Variants in PKD1 observed in about 807,000 individuals in gnomAD.
PKD1 encodes polycystin 1, transient receptor potential channel interacting.
PKD1 carries 81 observed loss-of-function variants against 361.7 expected under a neutral mutation model. That is an observed-to-expected ratio of 0.22 (90% CI 0.19 to 0.27). The LOEUF (loss-of-function observed/expected upper bound fraction) is 0.27, where lower values mean the gene tolerates loss of function less well. Ranked by LOEUF, PKD1 falls within the 10% of genes least tolerant of loss-of-function variation. The pLI, the probability that PKD1 is intolerant of heterozygous loss-of-function variation, is 1.00. For missense variants in PKD1, 6,399 were observed against 6,118.3 expected (o/e 1.05, Z -1.53); for synonymous variants, 3,615 against 2,818.3 (o/e 1.28, Z -8.95).
In PKD1 at chr16:2,109,112, C is replaced by T; in HGVS notation, c.6055G>A (p.Val2019Ile). ...GTGACGTCGCGGCCCGACAGGATGA[C>T]CAGCGAGTCGCCCTGGACCTTCTGC... ...SLQKVQGDSL[V>I]ILSGRDVTYT... Residue 2019 changes from valine (V) to isoleucine (I), a missense_variant, in exon 15 of 46, where the codon GTC becomes ATC. Transcript: ENST00000262304. 1.9e-6 allele frequency: 3 copies of T among 1,603,040 alleles called. No individual in the cohort carries two copies. Among genetic ancestry groups the T allele is most frequent in the Non-Finnish European group, 2.6e-6 (3 of 1,174,162 alleles).
chr16:2,107,776 G>A lies in PKD1; in HGVS notation c.7065+107C>T, dbSNP rs1014430877. The A allele has an allele frequency of 2.9e-5, 30 of 1,046,174 alleles. No homozygotes were observed. In the East Asian group the frequency reaches 5.0e-4, roughly 17 times the overall value. The allele number at this position is 1,046,174 out of a possible 1,614,324, so 64.8% of individuals were successfully genotyped here. ...ACATAGAATTTGCATCAGAAACAGA[G>A]AGGGGAGAGCGTGCGGCCTCCACCA... On this transcript the variant is annotated intron_variant, in intron 16 of 45. Transcript: ENST00000262304.
intron 16 of PKD1, chr16:2,107,284 G>A (rs1173903896): frequency 2.7e-5 from 11 of 410,106 alleles, no homozygotes; most frequent in Admixed American, 1.1e-4. Context: ...CAGCTGCCAC[G>A]TAGGCCTGAC....
At position 2,114,856 on chromosome 16, in the gene PKD1, G is replaced by A. The variant is rs576737566; in HGVS notation, c.2167C>T (p.Pro723Ser). Residue 723 changes from proline (P) to serine (S), a missense_variant, in exon 11 of 46, where the codon CCT (proline) becomes TCT (serine). Transcript: ENST00000262304. The part of the protein sequence containing the change: ...DLVGLQHDAG[P>S]GALLHCSPAP... ...GGCGAGCAGTGCAGGAGGGCGCCAGGGCCAGCGTCGTGCTGCAAGCCAACG... is the reference window on the plus strand; with the variant it reads ...GGCGAGCAGTGCAGGAGGGCGCCAGAGCCAGCGTCGTGCTGCAAGCCAACG... 4 of 1,493,764 alleles carry A rather than the reference G, an allele frequency of 2.7e-6. No homozygotes were observed. Among genetic ancestry groups the A allele is most frequent in the East Asian group, 2.5e-5 (1 of 40,744 alleles). 92.5% of individuals were successfully genotyped at this position (1,493,764 alleles called of 1,614,324 possible). A position where few individuals can be genotyped will look rare whatever the true frequency, so the allele number is the denominator to read the frequency against.
chr16:2,096,417 G>A (rs573891578), intron 34 of PKD1, among the ~76,000 whole-genome samples: 94 of 152,270 alleles, frequency 6.2e-4, no homozygotes, highest in Non-Finnish European at 1.1e-3. Flanking sequence ...GGTGCGCTCC[G>A]CCGCCGGCTG....
chr16:2,117,759 G>A lies in PKD1; in HGVS notation c.1201+32C>T, dbSNP rs1315339713. The A allele has an allele frequency of 7.4e-6, 8 of 1,082,234 alleles. No individual in the cohort carries two copies. In the South Asian group the frequency reaches 1.1e-4, roughly 14 times the overall value. 67.0% of individuals were successfully genotyped at this position (1,082,234 alleles called of 1,614,324 possible). ...GCTCTGCCCCATCTGGATGGCCCTG[G>A]GGAGGAAGGGGAGTGGGCAGCAGAC... On this transcript the variant is annotated intron_variant, in intron 5 of 45. Coordinates refer to ENST00000262304, the MANE Select transcript of PKD1 (RefSeq NM_001009944.3).
At chr16:2,119,569 A>G (rs976686796) in intron 1 of PKD1, among the ~76,000 whole-genome samples, 191 bp from the exon 2 acceptor site, 35 of 152,326 alleles carry the variant, frequency 2.3e-4, no homozygotes, top group South Asian at 1.9e-3. Context: ...AAACCAAGCC[A>G]GGAGAGGCCT....
intron 38 of PKD1, 121 bp from the exon 39 acceptor site, chr16:2,092,713 G>GT: frequency 1.2e-6 from 1 of 868,194 alleles, no homozygotes; most frequent in East Asian, 2.6e-5. Flanking sequence ...CTAGACCTGG[G>GT]CTTCTCAGCC....
At chr16:2,092,249 T>C (rs1338969019) in intron 39 of PKD1, 61 bp from the exon 40 acceptor site, 5 of 1,525,596 alleles carry the variant, frequency 3.3e-6, no homozygotes, top group Non-Finnish European at 4.4e-6. Flanking sequence ...CAGGAGTGTT[T>C]CCTGCTGGCC....
At chr16:2,116,741 C>T (rs1251495351) in intron 7 of PKD1, 92 bp downstream of exon 7, 1 of 1,098,922 alleles carries the variant, frequency 9.1e-7, no homozygotes, top group Admixed American at 2.0e-5. Context: ...CCCCCACCAG[C>T]CCCTCCTCCT....
At position 2,114,593 on chromosome 16, in the gene PKD1, G is replaced by C; in HGVS notation, c.2430C>G (p.Asn810Lys). The C allele has an allele frequency of 6.3e-7, 1 of 1,592,066 alleles. No homozygotes were observed. Among genetic ancestry groups the C allele is most frequent in the Non-Finnish European group, 8.5e-7 (1 of 1,177,848 alleles). ...AEVGNGVSRH[N>K]LSCSFDVVSP... is the part of the protein sequence containing the mutation. ...AGACCACGTCAAAGCTGCAGGAGAG[G>C]TTGTGCCTGGACACGCCATTGCCCA... The change falls in exon 11 of 46, where the codon AAC (asparagine) becomes AAG (lysine). Residue 810 changes from asparagine (N) to lysine (K), a missense_variant. Transcript: ENST00000262304.
Position 2,108,563 on chromosome 16 carries a change from C to T in PKD1, c.6604G>A (p.Ala2202Thr). 1.3e-6 allele frequency: 2 copies of T among 1,580,816 alleles called. No homozygotes were observed. Among genetic ancestry groups the T allele is most frequent in the Non-Finnish European group, 1.7e-6 (2 of 1,163,920 alleles). Reference sequence around the variant, plus strand: ...TCCACGCCGGGCAGGGCCACACGCGCTGGGCGCCCCGGCCGCTGGCAGCTG... The same window carrying T: ...TCCACGCCGGGCAGGGCCACACGCGTTGGGCGCCCCGGCCGCTGGCAGCTG... ...TASCQRPGRP[A>T]RVALPGVDVS... is the part of the protein sequence containing the mutation. Residue 2202 changes from alanine to threonine, a missense_variant, in exon 15 of 46, where the codon GCG (alanine) becomes ACG (threonine). Physicochemically the swap from Ala to Thr is moderately conservative, Grantham distance 58 (BLOSUM62 0). Transcript: ENST00000262304.
chr16:2,092,021 A>T, intron 40 of PKD1, 26 bp downstream of exon 40: 1 of 1,612,540 alleles, frequency 6.2e-7, no homozygotes, highest in Non-Finnish European at 8.5e-7. Flanking sequence ...CTTGGCGTAG[A>T]CGCCCGGGGC....
In PKD1 at chr16:2,100,984, ATT is replaced by A. The variant is rs967549977; in HGVS notation, c.9398-420_9398-419del. ...CCCAGTGACAGACCCAGGTGACAGT[ATT>A]TTTTTTCTTTTTTTTTTGAGATGGA... On this transcript the variant is annotated intron_variant, in intron 26 of 45. Transcript: ENST00000262304. The surrounding 1 kb of genome is among the most constrained non-coding windows in gnomAD (Gnocchi z 4.4). 6.6e-6 allele frequency among the ~76,000 whole-genome samples: 1 copy of A among 151,236 alleles called. No homozygotes were observed. The highest frequency in any genetic ancestry group is 1.5e-5 in the Non-Finnish European group (1 of 67,820).
intron 1 of PKD1, among the ~76,000 whole-genome samples, chr16:2,130,671 C>G (rs919343662): frequency 3.9e-5 from 6 of 152,210 alleles, no homozygotes; most frequent in African/African-American, 1.4e-4. Flanking sequence ...CAGTTGCGCT[C>G]TAAGGCATCA....
chr16:2,116,500 C>G (rs748621674), intron 8 of PKD1, 29 bp downstream of exon 8: 2 of 1,233,970 alleles, frequency 1.6e-6, no homozygotes, highest in Non-Finnish European at 2.3e-6. Context: ...GGCAGGAGGG[C>G]AGGTTGTAGA....
At chr16:2,105,050 GA>G (rs1274492917) in intron 21 of PKD1, among the ~76,000 whole-genome samples, 2 of 132,574 alleles carry the variant, frequency 1.5e-5, no homozygotes, top group Non-Finnish European at 3.3e-5. Context: ...GAGGGGAGGG[GA>G]GAGTGGAGGG....
rs776866974 is a variant in PKD1 at position 2,100,510 on chromosome 16, G to A, written c.9454C>T (p.Arg3152Trp). 30 of 1,610,512 alleles carry A rather than the reference G, an allele frequency of 1.9e-5. No individual in the cohort carries two copies. The highest frequency in any genetic ancestry group is 2.2e-4 in the Middle Eastern group (1 of 4,454). The change falls in exon 27 of 46, where the codon CGG becomes TGG. Residue 3152 changes from arginine to tryptophan, a missense_variant. By Grantham distance (101) the Arg-to-Trp change is moderately radical. Coordinates refer to ENST00000262304, the MANE Select transcript of PKD1 (RefSeq NM_001009944.3). This position sits in a 1 kb window ranked among gnomAD's most constrained non-coding sequence, Gnocchi z 4.4. ...LYGVDSRSGH[R>W]HLDGDRAFHR... ...AAGGCTCTGTCGCCGTCCAGGTGCCGGTGGCCGCTCCGGCTGTCCACCCCA... is the reference window on the plus strand; with the variant it reads ...AAGGCTCTGTCGCCGTCCAGGTGCCAGTGGCCGCTCCGGCTGTCCACCCCA...
chr16:2,112,092 C>CT (rs919879096), intron 14 of PKD1, among the ~76,000 whole-genome samples: 5 of 152,212 alleles, frequency 3.3e-5, no homozygotes, highest in Admixed American at 6.5e-5. Flanking sequence ...CAGCTGCACT[C>CT]GGGGCAGCAG....
At chr16:2,104,253 A>AAGGACGGGG (rs1476115421) in intron 22 of PKD1, among the ~76,000 whole-genome samples, 25 of 38,342 alleles carry the variant, frequency 6.5e-4, no homozygotes, top group Non-Finnish European at 1.1e-3. Context: ...GAATGGACAA[A>AAGGACGGGG]AGGACGGGGA....
Sources: allele counts gnomAD v4.1 joint callset (sites outside exome capture counted in the v4.1 genomes callset), GRCh38; gene constraint gnomAD v4.1.1; non-coding constraint Gnocchi (gnomAD v3.1); transcripts MANE v1.5; gene names NCBI Gene and HGNC (gene_info 2026-07-23, HGNC 2026-07-21).